The following SNTB1 variants were observed in gnomAD, a reference collection of about 807,000 sequenced individuals.
The protein encoded by SNTB1 is beta-1-syntrophin.
In SNTB1, 36 loss-of-function variants were observed where a neutral mutation model predicts 48.9. The ratio of observed to expected loss-of-function variants is 0.74; its 90% confidence interval spans 0.56 to 0.97. The LOEUF (loss-of-function observed/expected upper bound fraction) is 0.97, where lower values mean the gene tolerates loss of function less well. SNTB1 is among the 50% of genes least tolerant of loss of function. The pLI is 0.00. For synonymous variants in SNTB1, 299 were observed against 294.6 expected (o/e 1.01, Z -0.15); for missense variants, 786 against 703.4 (o/e 1.12, Z -1.33).
intron 1 of SNTB1, among the ~76,000 whole-genome samples, chr8:120,712,726 C>A (rs1490808746): frequency 6.6e-6 from 1 of 152,162 alleles, no homozygotes; most frequent in Non-Finnish European, 1.5e-5. Context: ...AGCACTCATT[C>A]AGTGATAGTT....
At chr8:120,611,933 G>A (rs552118598) in intron 3 of SNTB1, among the ~76,000 whole-genome samples, 3 of 151,892 alleles carry the variant, frequency 2.0e-5, no homozygotes, top group South Asian at 2.1e-4. Flanking sequence ...GGTGAGGTTG[G>A]TTCTTACCTA....
intron 2 of SNTB1, among the ~76,000 whole-genome samples, chr8:120,656,229 A>G (rs915571692): frequency 1.2e-4 from 18 of 152,230 alleles, no homozygotes; most frequent in African/African-American, 3.9e-4. Context: ...TTAATGAAAA[A>G]GAAACCAGAA....
chr8:120,637,598 G>T, intron 2 of SNTB1: 2 of 220,296 alleles, frequency 9.1e-6, no homozygotes, highest in South Asian at 5.8e-5. Context: ...TTCTGATTCT[G>T]TAGTCTGCAG....
intron 1 of SNTB1, among the ~76,000 whole-genome samples, chr8:120,773,325 C>T (rs984286512): frequency 1.3e-5 from 2 of 152,134 alleles, no homozygotes; most frequent in African/African-American, 4.8e-5. Flanking sequence ...TGGGACCAGC[C>T]TGAGCAACAC....
chr8:120,766,494 C>CTA (rs1324882310), intron 1 of SNTB1, among the ~76,000 whole-genome samples: 1 of 152,094 alleles, frequency 6.6e-6, no homozygotes, highest in Non-Finnish European at 1.5e-5. Context: ...ACCCACTCTC[C>CTA]TATATATAAT....
At chr8:120,644,478 C>T (rs1817249333) in intron 2 of SNTB1, among the ~76,000 whole-genome samples, 2 of 152,048 alleles carry the variant, frequency 1.3e-5, no homozygotes, top group Non-Finnish European at 2.9e-5. Context: ...CATGTCCCTA[C>T]AAAGGACATG....
At chr8:120,773,180 T>C (rs1007294089) in intron 1 of SNTB1, among the ~76,000 whole-genome samples, 2 of 152,120 alleles carry the variant, frequency 1.3e-5, no homozygotes, top group African/African-American at 4.8e-5. Flanking sequence ...TGGGGTAATA[T>C]GGAGGAAATC....
chr8:120,609,824 G>A (rs1243390360), intron 3 of SNTB1, among the ~76,000 whole-genome samples: 2 of 152,122 alleles, frequency 1.3e-5, no homozygotes, highest in Non-Finnish European at 2.9e-5. Context: ...AGCAGTGTTG[G>A]CCACTGTTCT....
rs533894480 is a variant in SNTB1 at position 120,537,719 on chromosome 8, A to T, written c.*1158T>A. The T allele has an allele frequency of 6.6e-6, 1 of 152,372 alleles. No individual in the cohort carries two copies. The highest frequency in any genetic ancestry group is 1.5e-5 in the Non-Finnish European group (1 of 68,030). The allele number at this position is 152,372 out of a possible 1,614,324, so 9.4% of individuals were successfully genotyped here. On this transcript the variant is annotated 3_prime_UTR_variant, in exon 7 of 7. Coordinates refer to ENST00000517992, the MANE Select transcript of SNTB1 (RefSeq NM_021021.4). ...ATTTGTTTTGAAAGATAAAAGTAAA[A>T]GCATTAAATCAGTAATGTGCTATAT...
intron 1 of SNTB1, among the ~76,000 whole-genome samples, chr8:120,762,456 T>G (rs1819438382): frequency 6.6e-6 from 1 of 152,154 alleles, no homozygotes; most frequent in Non-Finnish European, 1.5e-5. Context: ...GGCTGTGCAT[T>G]AGGACCTGAT....
intron 2 of SNTB1, among the ~76,000 whole-genome samples, chr8:120,666,161 C>T (rs532739807): frequency 3.9e-5 from 6 of 152,294 alleles, no homozygotes; most frequent in South Asian, 2.1e-4. Flanking sequence ...GTGTTACCAT[C>T]GTAACATTAT....
chr8:120,648,285 G>C lies in SNTB1; in HGVS notation c.789-15634C>G, dbSNP rs1231929525. Among the ~76,000 whole-genome samples, 1,291 of 146,082 alleles carry C rather than the reference G, an allele frequency of 8.8e-3. 12 individuals carry two copies. Among genetic ancestry groups the C allele is most frequent in the African/African-American group, 0.03 (1,207 of 39,732 alleles). Reference sequence around the variant, plus strand: ...CTCGATGGTCTTTACATTTTGGCATGATTTTGCAGCGGCTGGTACCGGTTG... The same window carrying C: ...CTCGATGGTCTTTACATTTTGGCATCATTTTGCAGCGGCTGGTACCGGTTG... On this transcript the variant is annotated intron_variant, in intron 2 of 6. Transcript: ENST00000517992.
chr8:120,694,018 C>A, intron 1 of SNTB1, 110 bp from the exon 2 acceptor site: 1 of 813,502 alleles, frequency 1.2e-6, no homozygotes, highest in Non-Finnish European at 2.0e-6. Flanking sequence ...TAATACTGAA[C>A]TTCTTAAATT....
chr8:120,765,742 TAAG>T (rs1819511070), intron 1 of SNTB1: 1 of 152,198 alleles, frequency 6.6e-6, no homozygotes, highest in East Asian at 1.9e-4. Context: ...CACTGGGTAT[TAAG>T]TTTACAAAAC....
At position 120,658,973 on chromosome 8, in the gene SNTB1, TC is replaced by T. The variant is rs200131865; in HGVS notation, c.789-26323del. Among the ~76,000 whole-genome samples, 196 of 149,510 alleles carry T rather than the reference TC, an allele frequency of 1.3e-3. 4 individuals carry two copies. Among genetic ancestry groups the T allele is most frequent in the South Asian group, 6.6e-3 (31 of 4,686 alleles). ...GTTTATGTGATATTCTTTTTTTTTT[TC>T]TTTTCCTGAGACAAAGTCTCACTCT... is the stretch of plus-strand genomic sequence containing the variant. On this transcript the variant is annotated intron_variant, in intron 2 of 6. Coordinates refer to ENST00000517992, the MANE Select transcript of SNTB1 (RefSeq NM_021021.4).
chr8:120,621,666 T>C (rs1816795335), intron 3 of SNTB1, among the ~76,000 whole-genome samples: 1 of 152,178 alleles, frequency 6.6e-6, no homozygotes, highest in African/African-American at 2.4e-5. Flanking sequence ...TTTCAGAAGC[T>C]TTTCAGAACA....
intron 4 of SNTB1, among the ~76,000 whole-genome samples, chr8:120,561,243 C>A (rs1051292955): frequency 8.1e-5 from 12 of 148,548 alleles, no homozygotes; most frequent in African/African-American, 3.0e-4. Context: ...TCGCTTGAAC[C>A]CAGGAGGCGG....
At chr8:120,804,119 T>A (rs562753348) in intron 1 of SNTB1, among the ~76,000 whole-genome samples, 20 of 152,238 alleles carry the variant, frequency 1.3e-4, no homozygotes, top group African/African-American at 4.6e-4. Context: ...GTATGAGTGG[T>A]GGATGATGTG....
intron 3 of SNTB1, among the ~76,000 whole-genome samples, chr8:120,588,806 C>T (rs536590747): frequency 6.6e-6 from 1 of 152,138 alleles, no homozygotes; most frequent in African/African-American, 2.4e-5. Flanking sequence ...GAATGAGTGG[C>T]GCTGCCAGTT....
Sources: gnomAD v4.1 joint callset for allele counts (sites outside exome capture counted in the v4.1 genomes callset) on GRCh38, gnomAD v4.1.1 for gene constraint, MANE v1.5 for transcripts, NCBI Gene and HGNC (gene_info 2026-07-23, HGNC 2026-07-21) for gene names.